CPN1: variants seen among roughly 807,000 people sequenced by gnomAD.
The protein encoded by CPN1 is carboxypeptidase N subunit 1.
In CPN1, 37 loss-of-function variants were observed where a neutral mutation model predicts 46.4. The ratio of observed to expected loss-of-function variants is 0.80; its 90% CI spans 0.61 to 1.05. CPN1 has a LOEUF of 1.05. Among genes scored for constraint, CPN1 ranks in the 50% least tolerant of loss-of-function variants. The pLI is 0.00. For synonymous variants in CPN1, 224 were observed against 235.4 expected (o/e 0.95, Z 0.44); for missense variants, 563 against 602.6 (o/e 0.93, Z 0.69).
intron 7 of CPN1, among the ~76,000 whole-genome samples, chr10:100,051,466 A>G (rs2041352610): frequency 1.3e-5 from 2 of 152,168 alleles, no homozygotes; most frequent in Admixed American, 6.6e-5. Flanking sequence ...CATCAACACT[A>G]GATGCTTTGC....
intron 2 of CPN1, among the ~76,000 whole-genome samples, chr10:100,073,610 CTTTTTTTTTTTT>C: frequency 8.2e-6 from 1 of 122,456 alleles, no homozygotes; most frequent in East Asian, 2.5e-4. Flanking sequence ...GCTCTTCCAT[CTTTTTTTTTTTT>C]TTTTTTTTTT....
intron 7 of CPN1, 135 bp downstream of exon 7, chr10:100,054,212 T>G: frequency 1.4e-6 from 1 of 724,230 alleles, no homozygotes; most frequent in Non-Finnish European, 2.5e-6. Context: ...TGCCCTTCTT[T>G]CCTCCATCCC....
At position 100,073,743 on chromosome 10, in the gene CPN1, G is replaced by A. The variant is rs187667287; in HGVS notation, c.420+2168C>T. ...TGATTCTCCTGCCTCAGCCTCCCGAGTAGCTGGGATTACAGGCATGTGTTA... is the reference window on the plus strand; with the variant it reads ...TGATTCTCCTGCCTCAGCCTCCCGAATAGCTGGGATTACAGGCATGTGTTA... On this transcript the variant is annotated intron_variant, in intron 2 of 8. Transcript: ENST00000370418. Among the ~76,000 whole-genome samples, 47 of 151,742 alleles carry A rather than the reference G, an allele frequency of 3.1e-4. No individual in the cohort carries two copies. In the East Asian group the frequency reaches 8.0e-3, roughly 26 times the overall value.
At chr10:100,054,619 G>A (rs547031286) in intron 6 of CPN1, among the ~76,000 whole-genome samples, 173 bp from the exon 7 acceptor site, 53 of 151,972 alleles carry the variant, frequency 3.5e-4, no homozygotes, top group African/African-American at 1.2e-3. Flanking sequence ...TAATCTCTTC[G>A]CAATTAGAGT....
At chr10:100,065,415 A>C (rs746157041) in intron 3 of CPN1, 45 bp from the exon 4 acceptor site, 1 of 1,609,416 alleles carries the variant, frequency 6.2e-7, no homozygotes, top group Non-Finnish European at 8.5e-7. Context: ...AACTGGGGCT[A>C]CCAAACAAAC....
chr10:100,070,373 C>G (rs1173472465), intron 2 of CPN1, among the ~76,000 whole-genome samples: 2 of 151,960 alleles, frequency 1.3e-5, no homozygotes, highest in African/African-American at 4.8e-5. Flanking sequence ...GTCCCAGCTA[C>G]TTGGGAGGCT....
intron 3 of CPN1, among the ~76,000 whole-genome samples, chr10:100,069,411 G>C (rs1342474279): frequency 1.3e-5 from 2 of 152,072 alleles, no homozygotes; most frequent in Non-Finnish European, 2.9e-5. Flanking sequence ...GACCTGGGAG[G>C]CGAAGGCTGC....
intron 3 of CPN1, among the ~76,000 whole-genome samples, chr10:100,068,504 C>T (rs61871700): frequency 0.29 from 44,644 of 151,542 alleles, 8,251 homozygotes; most frequent in East Asian, 0.46. Context: ...TGAGCCACCG[C>T]GCCCAGTCCC....
chr10:100,063,419 C>A (rs2041432405), intron 5 of CPN1, among the ~76,000 whole-genome samples, 195 bp downstream of exon 5: 1 of 152,194 alleles, frequency 6.6e-6, no homozygotes, highest in African/African-American at 2.4e-5. Flanking sequence ...CTGTGCCCAG[C>A]CATCCCCACC....
chr10:100,047,889 G>A (rs1428371000), intron 8 of CPN1, among the ~76,000 whole-genome samples: 1 of 152,146 alleles, frequency 6.6e-6, no homozygotes, highest in Non-Finnish European at 1.5e-5. Context: ...CTACTCAAGA[G>A]GCTGAGGCAG....
chr10:100,076,029 T>TC lies in CPN1; in HGVS notation c.301dup (p.Glu101GlyfsTer65). The TC allele has an allele frequency of 6.2e-7, 1 of 1,614,134 alleles. No homozygotes were observed. The highest frequency in any genetic ancestry group is 1.3e-5 in the African/African-American group (1 of 75,018). Reference sequence around the variant, plus strand: ...GTTCCGGAACTCCTCGCACAGAAACTCCGACAGCTGCAGCATCAGCTCGCG... The same window carrying TC: ...GTTCCGGAACTCCTCGCACAGAAACTCCCGACAGCTGCAGCATCAGCTCGCG... On this transcript the variant is annotated frameshift_variant, in exon 2 of 9. Coordinates refer to ENST00000370418, the MANE Select transcript of CPN1 (RefSeq NM_001308.3). LOFTEE classifies it high-confidence loss of function.
At chr10:100,058,361 T>A (rs776081791) in intron 5 of CPN1, among the ~76,000 whole-genome samples, 38 of 152,318 alleles carry the variant, frequency 2.5e-4, no homozygotes, top group Non-Finnish European at 5.0e-4. Context: ...TGCTTTCACA[T>A]CCCTTCTCCT....
chr10:100,056,823 A>G (rs1312159233), intron 6 of CPN1, among the ~76,000 whole-genome samples, 190 bp downstream of exon 6: 2 of 151,562 alleles, frequency 1.3e-5, no homozygotes, highest in African/African-American at 4.9e-5. Flanking sequence ...CACTGCCGGG[A>G]TTACAGGTGA....
At chr10:100,070,041 G>T (rs1467773049) in intron 2 of CPN1, among the ~76,000 whole-genome samples, 172 bp from the exon 3 acceptor site, 2 of 151,792 alleles carry the variant, frequency 1.3e-5, no homozygotes, top group African/African-American at 4.8e-5. Context: ...TCCCACCTCA[G>T]TCTCCTGAGT....
intron 3 of CPN1, 132 bp from the exon 4 acceptor site, chr10:100,065,502 A>G: frequency 1.1e-6 from 1 of 938,826 alleles, no homozygotes. Context: ...GTCCTGGCGG[A>G]TATGAAAAGT....
rs2041548238 is a variant in CPN1, at chr10:100,081,672, C to T, written c.-47G>A. On this transcript the variant is annotated 5_prime_UTR_variant, in exon 1 of 9. Coordinates refer to ENST00000370418, the MANE Select transcript of CPN1 (RefSeq NM_001308.3). ...GAGCCACTGAAACGCGCCCCACCTCCTTAAACAACCTAGCCTCTTCACCCG... is the reference window on the plus strand; with the variant it reads ...GAGCCACTGAAACGCGCCCCACCTCTTTAAACAACCTAGCCTCTTCACCCG... The T allele has an allele frequency of 6.6e-7, 1 of 1,518,602 alleles. No homozygotes were observed. The highest frequency in any genetic ancestry group is 1.4e-5 in the African/African-American group (1 of 73,210). 94.1% of individuals were successfully genotyped at this position (1,518,602 alleles called of 1,614,324 possible).
rs957679438 is a variant in CPN1, at chr10:100,042,298, G to A, written c.*129C>T. On this transcript the variant is annotated 3_prime_UTR_variant, in exon 9 of 9. Coordinates refer to ENST00000370418, the MANE Select transcript of CPN1 (RefSeq NM_001308.3). ...ATGGCTTACCCCTGGAACAGATGGAGACCATTCTGAATTGTTCTGAATATG... is the reference window on the plus strand; with the variant it reads ...ATGGCTTACCCCTGGAACAGATGGAAACCATTCTGAATTGTTCTGAATATG... 2 of 1,274,984 alleles carry A rather than the reference G, an allele frequency of 1.6e-6. No individual in the cohort carries two copies. The highest frequency in any genetic ancestry group is 2.3e-5 in the East Asian group (1 of 42,942). 79.0% of individuals were successfully genotyped at this position (1,274,984 alleles called of 1,614,324 possible).
At chr10:100,063,856 A>G in intron 4 of CPN1, 131 bp from the exon 5 acceptor site, 1 of 725,502 alleles carries the variant, frequency 1.4e-6, no homozygotes, top group Non-Finnish European at 2.5e-6. Context: ...CTTTAGTGAA[A>G]GAAAATAGGA....
intron 5 of CPN1, 124 bp downstream of exon 5, chr10:100,063,490 A>G (rs2041433169): frequency 2.6e-6 from 2 of 775,312 alleles, no homozygotes; most frequent in Non-Finnish European, 4.6e-6. Flanking sequence ...CTCATTTTCC[A>G]GATCTCAACT....
Sources: gnomAD v4.1 joint callset for allele counts (sites outside exome capture counted in the v4.1 genomes callset) on GRCh38, gnomAD v4.1.1 for gene constraint, MANE v1.5 for transcripts, NCBI Gene and HGNC (gene_info 2026-07-23, HGNC 2026-07-21) for gene names.